Variants in SLC30A6 observed in about 807,000 individuals in gnomAD.
SLC30A6 encodes the protein solute carrier family 30 member 6.
SLC30A6 carries 55 observed loss-of-function variants against 63.0 expected under a neutral mutation model. The ratio of observed to expected loss-of-function variants is 0.87; its 90% CI spans 0.70 to 1.09. The LOEUF (loss-of-function observed/expected upper bound fraction) is 1.09. Among genes scored for constraint, SLC30A6 ranks in the 50% least tolerant of loss-of-function variants. SLC30A6 has a pLI of 0.00. For missense variants in SLC30A6, 587 were observed against 549.2 expected (o/e 1.07, Z -0.69); for synonymous variants, 224 against 186.1 (o/e 1.20, Z -1.66).
At chr2:32,190,216 T>C (rs1249404643) in intron 5 of SLC30A6, among the ~76,000 whole-genome samples, 2 of 152,098 alleles carry the variant, frequency 1.3e-5, no homozygotes, top group South Asian at 2.1e-4. Context: ...CCTAGCACTT[T>C]GGGAGGGTGA....
rs1339927819 is a variant in SLC30A6, at chr2:32,222,516, C to T, written c.*1803C>T. On this transcript the variant is annotated 3_prime_UTR_variant, in exon 14 of 14. Transcript: ENST00000282587. ...CATCCAAGAAGCCATCTCTGTCAAGCAGAATTGTCATCTGTGGTAATAAGT... is the reference window on the plus strand; with the variant it reads ...CATCCAAGAAGCCATCTCTGTCAAGTAGAATTGTCATCTGTGGTAATAAGT... The T allele has an allele frequency of 6.6e-6, 1 of 152,148 alleles. No homozygotes were observed. The highest frequency in any genetic ancestry group is 2.4e-5 in the African/African-American group (1 of 41,408). 9.4% of individuals were successfully genotyped at this position (152,148 alleles called of 1,614,324 possible).
intron 10 of SLC30A6, chr2:32,202,402 T>C: frequency 3.7e-6 from 1 of 267,456 alleles, no homozygotes; most frequent in South Asian, 4.5e-5. Flanking sequence ...GGATCTCGGC[T>C]CACTGCAAGC....
intron 13 of SLC30A6, among the ~76,000 whole-genome samples, chr2:32,213,459 G>A (rs115566364): frequency 0.013 from 1,977 of 152,142 alleles, 16 homozygotes; most frequent in Non-Finnish European, 0.019. Context: ...CATATTGGCT[G>A]TCCTAGATTT....
At chr2:32,168,938 T>C (rs1432660823) in intron 1 of SLC30A6, among the ~76,000 whole-genome samples, 1 of 152,130 alleles carries the variant, frequency 6.6e-6, no homozygotes, top group Non-Finnish European at 1.5e-5. Context: ...TTTATTTTCA[T>C]TGTCAGGATG....
Position 32,224,239 on chromosome 2 carries a change from C to T in SLC30A6, c.*3526C>T. 2.3e-6 allele frequency: 1 copy of T among 438,638 alleles called. No homozygotes were observed. Among genetic ancestry groups the T allele is most frequent in the Non-Finnish European group, 4.0e-6 (1 of 248,098 alleles). The allele number at this position is 438,638 out of a possible 1,614,324, so 27.2% of individuals were successfully genotyped here. On this transcript the variant is annotated 3_prime_UTR_variant, in exon 14 of 14. Coordinates refer to ENST00000282587, the MANE Select transcript of SLC30A6 (RefSeq NM_017964.5). ...CTAAGTTAATATGCATTCAGTATACCAGTTGGTGTGACCCAGACCAAAGGT... is the reference window on the plus strand; with the variant it reads ...CTAAGTTAATATGCATTCAGTATACTAGTTGGTGTGACCCAGACCAAAGGT...
At chr2:32,202,296 T>C in intron 10 of SLC30A6, 1 of 476,110 alleles carries the variant, frequency 2.1e-6, no homozygotes, top group Non-Finnish European at 3.8e-6. Flanking sequence ...GCGATCCCTT[T>C]GATTGAAAGA....
Position 32,220,843 on chromosome 2 carries a change from A to C in SLC30A6, c.*130A>C. The C allele has an allele frequency of 3.8e-6, 3 of 788,290 alleles. No homozygotes were observed. Among genetic ancestry groups the C allele is most frequent in the Non-Finnish European group, 5.8e-6 (3 of 516,342 alleles). 48.8% of individuals were successfully genotyped at this position (788,290 alleles called of 1,614,324 possible). A position where few individuals can be genotyped will look rare whatever the true frequency, so the allele number is the denominator to read the frequency against. On this transcript the variant is annotated 3_prime_UTR_variant, in exon 14 of 14. Coordinates refer to ENST00000282587, the MANE Select transcript of SLC30A6 (RefSeq NM_017964.5). ...ATAATAGTAGTCTTGTTCACATTTC[A>C]TGAAACCTATGAAACTATATTTTTG...
chr2:32,220,183 A>G (rs1686045145), intron 13 of SLC30A6, 30 bp from the exon 14 acceptor site: 1 of 1,584,252 alleles, frequency 6.3e-7, no homozygotes, highest in Non-Finnish European at 8.6e-7. Flanking sequence ...ATTCTAAGCA[A>G]TCTCTTTGTT....
rs141382017 is a variant in SLC30A6 at position 32,193,954 on chromosome 2, G to A, written c.467G>A (p.Arg156Gln). The change falls in exon 8 of 14, where the codon CGG becomes CAG. Residue 156 changes from arginine (R) to glutamine (Q), a missense_variant. Arg to Gln is a conservative substitution (Grantham distance 43). Coordinates refer to ENST00000282587, the MANE Select transcript of SLC30A6 (RefSeq NM_017964.5). ...CFNLFTMLSI[R>Q]NKPFAYVSEA... is the part of the protein sequence containing the mutation. ...AACCTGTTCACGATGCTTTCTATTC[G>A]GAATAAACCTTTTGCTTATGTCTCA... 27 of 1,612,546 alleles carry A rather than the reference G, an allele frequency of 1.7e-5. No individual in the cohort carries two copies. The highest frequency in any genetic ancestry group is 1.2e-4 in the South Asian group (11 of 90,906).
chr2:32,177,844 G>C (rs1009880230), intron 4 of SLC30A6, among the ~76,000 whole-genome samples: 41 of 151,694 alleles, frequency 2.7e-4, no homozygotes, highest in African/African-American at 9.5e-4. Flanking sequence ...GAACAGGCTG[G>C]TCTCGAACTC....
At chr2:32,174,207 A>T (rs1323215951) in intron 3 of SLC30A6, 60 bp downstream of exon 3, 1 of 1,253,126 alleles carries the variant, frequency 8.0e-7, no homozygotes, top group Non-Finnish European at 1.2e-6. Flanking sequence ...TCTCATTGGA[A>T]ATAAAGGTAT....
chr2:32,217,262 G>A (rs2148912537), intron 13 of SLC30A6, among the ~76,000 whole-genome samples: 1 of 152,164 alleles, frequency 6.6e-6, no homozygotes, highest in Admixed American at 6.6e-5. Context: ...GAAAGTGAAG[G>A]TCCAGCTTCA....
At chr2:32,195,464 T>C (rs954016214) in intron 8 of SLC30A6, among the ~76,000 whole-genome samples, 1 of 152,096 alleles carries the variant, frequency 6.6e-6, no homozygotes, top group Non-Finnish European at 1.5e-5. Flanking sequence ...AATATTGTTA[T>C]GAATATTTTA....
intron 10 of SLC30A6, chr2:32,202,832 A>T (rs1480606144): frequency 1.2e-6 from 1 of 822,888 alleles, no homozygotes; most frequent in Non-Finnish European, 2.1e-6. Context: ...TGAAATCCAG[A>T]TACGAACAGA....
intron 5 of SLC30A6, among the ~76,000 whole-genome samples, chr2:32,190,186 C>T (rs1011649724): frequency 7.2e-5 from 11 of 152,140 alleles, no homozygotes; most frequent in Admixed American, 1.3e-4. Flanking sequence ...AGGCCGGGCG[C>T]GGTGGCTCAC....
chr2:32,201,411 A>G (rs1558409594), intron 10 of SLC30A6, among the ~76,000 whole-genome samples: 1 of 152,174 alleles, frequency 6.6e-6, no homozygotes, highest in Non-Finnish European at 1.5e-5. Context: ...TATTAGAAAT[A>G]ATTATCGCTC....
intron 13 of SLC30A6, among the ~76,000 whole-genome samples, chr2:32,212,829 C>T (rs1256214505): frequency 6.6e-6 from 1 of 150,486 alleles, no homozygotes; most frequent in African/African-American, 2.4e-5. Flanking sequence ...AACTTCTGAC[C>T]TCAGGTGATC....
At chr2:32,202,306 A>G in intron 10 of SLC30A6, 1 of 441,766 alleles carries the variant, frequency 2.3e-6, no homozygotes, top group South Asian at 2.6e-5. Flanking sequence ...TGATTGAAAG[A>G]CTCCAAAGAG....
chr2:32,210,515 C>CAA (rs3040860), intron 13 of SLC30A6, among the ~76,000 whole-genome samples: 1,341 of 89,034 alleles, frequency 0.015, 9 homozygotes, highest in Non-Finnish European at 0.019. Flanking sequence ...ACTCTGTCTC[C>CAA]AAAAAAAAAA....
Sources: gnomAD v4.1 joint callset for allele counts (sites outside exome capture counted in the v4.1 genomes callset) on GRCh38, gnomAD v4.1.1 for gene constraint, MANE v1.5 for transcripts, NCBI Gene and HGNC (gene_info 2026-07-23, HGNC 2026-07-21) for gene names.